The following SV2C variants were observed in gnomAD, a reference collection of about 807,000 sequenced individuals.
SV2C encodes solute carrier family 22 member B3.
SV2C carries 49 observed loss-of-function variants against 79.7 expected under a neutral mutation model. The observed-to-expected ratio is 0.61, with a 90% CI of 0.49 to 0.78. The LOEUF is 0.78. SV2C is among the 30% of genes least tolerant of loss of function. The probability of loss-of-function intolerance (pLI) is 0.00; values close to 1 mark genes in which losing one functional copy is unlikely to be tolerated. For missense variants in SV2C, 833 were observed against 912.9 expected (o/e 0.91, Z 1.13); for synonymous variants, 334 against 333.2 (o/e 1.00, Z -0.03).
At chr5:75,898,296 C>A in the SV2C span, among the ~76,000 whole-genome samples, 3,535 of 152,036 alleles carry the variant, frequency 0.023, 124 homozygotes, top group African/African-American at 0.081. Flanking sequence ...GAATTTTGTC[C>A]AAGGCCTTTT....
At chr5:76,138,976 G>A (rs1293635691) in intron 2 of SV2C, among the ~76,000 whole-genome samples, 6 of 152,056 alleles carry the variant, frequency 3.9e-5, no homozygotes, top group Admixed American at 3.9e-4. Context: ...AAAATTAGTC[G>A]GGTGTGGTAG....
At chr5:76,174,080 G>T (rs185998275) in intron 2 of SV2C, 1 of 1,575,020 alleles carries the variant, frequency 6.3e-7, no homozygotes, top group Admixed American at 1.7e-5. Context: ...ATCTTCTATC[G>T]TAGGATCGTA....
the SV2C span, among the ~76,000 whole-genome samples, chr5:75,919,618 C>T: frequency 1.3e-5 from 2 of 152,206 alleles, no homozygotes; most frequent in African/African-American, 2.4e-5. Flanking sequence ...TAACCCTGCT[C>T]TCATCCTAAT....
At chr5:76,316,323 C>T (rs923196905) in intron 12 of SV2C, among the ~76,000 whole-genome samples, 19 of 152,310 alleles carry the variant, frequency 1.2e-4, no homozygotes, top group Non-Finnish European at 2.6e-4. Context: ...CAGCAGGATT[C>T]TCAACCCTGG....
chr5:76,100,758 G>A (rs1322557325), intron 1 of SV2C, among the ~76,000 whole-genome samples: 1 of 152,168 alleles, frequency 6.6e-6, no homozygotes, highest in Non-Finnish European at 1.5e-5. Context: ...GCAACAGTCT[G>A]GTGTTTGCTC....
intron 10 of SV2C, among the ~76,000 whole-genome samples, chr5:76,299,959 G>A (rs1747924073): frequency 6.6e-6 from 1 of 152,064 alleles, no homozygotes; most frequent in African/African-American, 2.4e-5. Flanking sequence ...TTCCTCAGTA[G>A]ATTCATGCAC....
chr5:76,061,108 C>G, the SV2C span, among the ~76,000 whole-genome samples: 2 of 151,770 alleles, frequency 1.3e-5, no homozygotes, highest in African/African-American at 2.4e-5. Context: ...TCGAAGATCA[C>G]TGATCACAGA....
At chr5:76,304,876 A>G (rs576339429) in intron 12 of SV2C, among the ~76,000 whole-genome samples, 1 of 152,212 alleles carries the variant, frequency 6.6e-6, no homozygotes, top group African/African-American at 2.4e-5. Flanking sequence ...TTGCATTCCT[A>G]TAAAGAAATA....
intron 12 of SV2C, 48 bp downstream of exon 12, chr5:76,301,593 A>AC: frequency 6.4e-7 from 1 of 1,569,090 alleles, no homozygotes; most frequent in Non-Finnish European, 8.7e-7. Context: ...GCCCTGTGAG[A>AC]CCACTGAAAA....
the SV2C span, among the ~76,000 whole-genome samples, chr5:75,924,006 C>T: frequency 1.3e-5 from 2 of 152,198 alleles, no homozygotes; most frequent in African/African-American, 4.8e-5. Flanking sequence ...TGGAACCAAC[C>T]TAAGTGGCCT....
At chr5:76,211,523 T>C (rs1246307352) in intron 4 of SV2C, among the ~76,000 whole-genome samples, 1 of 151,886 alleles carries the variant, frequency 6.6e-6, no homozygotes, top group African/African-American at 2.4e-5. Flanking sequence ...CGTGCACATG[T>C]GCCCAAACAG....
Position 76,117,702 on chromosome 5 carries a change from G to A in SV2C, c.-101-13948G>A, listed in dbSNP as rs150588240. Among the ~76,000 whole-genome samples, 76 of 150,734 alleles carry A rather than the reference G, an allele frequency of 5.0e-4. No homozygotes were observed. The South Asian group carries it at 9.2e-3, about 18-fold the overall frequency. On this transcript the variant is annotated intron_variant, in intron 1 of 12. Transcript: ENST00000502798. Reference sequence around the variant, plus strand: ...TTTAATAACTATTTCTGAGATATTCGGTTATTTATTTAAAAAAAAATCCCT... The same window carrying A: ...TTTAATAACTATTTCTGAGATATTCAGTTATTTATTTAAAAAAAAATCCCT...
chr5:76,348,608 C>T (rs1749587551), intron 12 of SV2C, among the ~76,000 whole-genome samples: 1 of 152,232 alleles, frequency 6.6e-6, no homozygotes, highest in African/African-American at 2.4e-5. Context: ...TCACTGCCCA[C>T]TTAACTCAGC....
intron 12 of SV2C, among the ~76,000 whole-genome samples, chr5:76,351,675 G>C (rs867725465): frequency 6.6e-6 from 1 of 152,122 alleles, no homozygotes; most frequent in East Asian, 1.9e-4. Context: ...GCCTCCACTC[G>C]AGCTGCTGTT....
the SV2C span, among the ~76,000 whole-genome samples, chr5:75,986,438 A>G: frequency 1.3e-5 from 2 of 151,868 alleles, no homozygotes; most frequent in Non-Finnish European, 2.9e-5. Context: ...AGAAAAGGCA[A>G]GAAAACATTG....
the SV2C span, among the ~76,000 whole-genome samples, chr5:75,917,028 T>G: frequency 4.6e-5 from 7 of 152,324 alleles, no homozygotes; most frequent in South Asian, 1.4e-3. Flanking sequence ...TGAACCCTAG[T>G]TGCCAACAAC....
the SV2C span, among the ~76,000 whole-genome samples, chr5:75,915,420 T>C: frequency 6.6e-6 from 1 of 152,238 alleles, no homozygotes; most frequent in South Asian, 2.1e-4. Flanking sequence ...TTTTTAGTAA[T>C]TCCTTTTAAA....
the SV2C span, among the ~76,000 whole-genome samples, chr5:76,068,411 T>A: frequency 2.1e-4 from 32 of 152,266 alleles, no homozygotes; most frequent in African/African-American, 7.5e-4. Flanking sequence ...TACTCTTTTT[T>A]AAAAAATATA....
chr5:75,919,211 C>T, the SV2C span, among the ~76,000 whole-genome samples: 11 of 152,182 alleles, frequency 7.2e-5, no homozygotes, highest in African/African-American at 2.4e-4. Flanking sequence ...GCATGATGAT[C>T]CAGATTGTCT....
Sources: gnomAD v4.1 joint callset for allele counts (sites outside exome capture counted in the v4.1 genomes callset) on GRCh38, gnomAD v4.1.1 for gene constraint, MANE v1.5 for transcripts, NCBI Gene and HGNC (gene_info 2026-07-23, HGNC 2026-07-21) for gene names.